Variants in MICAL1 observed in about 807,000 individuals in gnomAD.
MICAL1 encodes the protein [F-actin]-monooxygenase MICAL1.
MICAL1 carries 95 observed loss-of-function variants against 131.8 expected under a neutral mutation model. The observed-to-expected ratio is 0.72, with a 90% CI of 0.61 to 0.86. The LOEUF (loss-of-function observed/expected upper bound fraction) is 0.86. Ranked by LOEUF, MICAL1 falls within the 40% of genes least tolerant of loss-of-function variation. The pLI, the probability that MICAL1 is intolerant of heterozygous loss-of-function variation, is 0.00. For missense variants in MICAL1, 1,292 were observed against 1,380.6 expected (o/e 0.94, Z 1.02); for synonymous variants, 546 against 554.2 (o/e 0.99, Z 0.21).
chr6:109,452,192 AG>A (rs1218572275), intron 6 of MICAL1, 53 bp downstream of exon 6: 2 of 1,569,450 alleles, frequency 1.3e-6, no homozygotes, highest in African/African-American at 2.7e-5. Flanking sequence ...GAGAGGCAGG[AG>A]CCAGGCCACA....
In MICAL1 at chr6:109,450,075, G is replaced by A. The variant is rs555487713; in HGVS notation, c.1202C>T (p.Pro401Leu). The A allele has an allele frequency of 5.6e-6, 9 of 1,613,688 alleles. No individual in the cohort carries two copies. The South Asian group carries it at 8.8e-5, about 16-fold the overall frequency. The change falls in exon 9 of 25, where the codon CCC becomes CTC. Residue 401 changes from proline (P) to leucine (L), a missense_variant. Coordinates refer to ENST00000358807, the MANE Select transcript of MICAL1 (RefSeq NM_022765.4). The stretch of plus-strand genomic sequence containing the variant: ...GCCCCGTGCCACTCCAGTGCCCAGG[G>A]GCCAGAAGGGCTGCAGTGTCAGAGG... ...VGDCLVEPFW[P>L]LGTGVARGFL... is the part of the protein sequence containing the mutation.
rs1265958817 is a variant in MICAL1, at chr6:109,453,663, G to A, written c.441C>T (p.Phe147=). ...TGATGTGGTCCAGGGTGCCGGTGCA[G>A]AAGCGCCCGTAGAACTTCTTAGCAC... ...ALGAKKFYGR[F]CTGTLDHISI... The change falls in exon 3 of 25, where the codon TTC becomes TTT. Residue 147 remains phenylalanine (F), a synonymous_variant. Coordinates refer to ENST00000358807, the MANE Select transcript of MICAL1 (RefSeq NM_022765.4). The A allele has an allele frequency of 6.2e-7, 1 of 1,611,046 alleles. No individual in the cohort carries two copies. Among genetic ancestry groups the A allele is most frequent in the Admixed American group, 1.7e-5 (1 of 59,484 alleles).
rs1775475136 is a variant in MICAL1, at chr6:109,450,101, A to C, written c.1192-16T>G. On this transcript the variant is annotated splice_polypyrimidine_tract_variant and intron_variant, in intron 8 of 24. Coordinates refer to ENST00000358807, the MANE Select transcript of MICAL1 (RefSeq NM_022765.4). ...GCCAGAAGGGCTGCAGTGTCAGAGG[A>C]ATAGGAAGCAGCTCAGGGAGAATCC... The C allele has an allele frequency of 6.2e-7, 1 of 1,610,532 alleles. No individual in the cohort carries two copies. Among genetic ancestry groups the C allele is most frequent in the Non-Finnish European group, 8.5e-7 (1 of 1,177,840 alleles).
rs762204959 is a variant in MICAL1 at position 109,449,478 on chromosome 6, G to C, written c.1438C>G (p.Arg480Gly). Reference sequence around the variant, plus strand: ...TTGGCTAGCACATCATACAGGTCTCGTACCTAAGGCAGCCCCGCTCAGGTC... The same window carrying C: ...TTGGCTAGCACATCATACAGGTCTCCTACCTAAGGCAGCCCCGCTCAGGTC... Reference protein sequence around the residue: ...NLRAVTPNQVRDLYDVLAKEP... With the variant: ...NLRAVTPNQVGDLYDVLAKEP... The change falls in exon 11 of 25, where the codon CGA becomes GGA. Residue 480 changes from arginine to glycine, a missense_variant. Physicochemically the swap from Arg to Gly is moderately radical, Grantham distance 125 (BLOSUM62 -2). Transcript: ENST00000358807. 1.2e-6 allele frequency: 2 copies of C among 1,614,190 alleles called. No individual in the cohort carries two copies. The highest frequency in any genetic ancestry group is 1.7e-6 in the Non-Finnish European group (2 of 1,180,040).
rs1370187376 is a variant in MICAL1 at position 109,445,013 on chromosome 6, G to A, written c.2882-18C>T. ...TGGGGAACCTGAGAAGAAGGAAGAT[G>A]GGTAGGGTGATCAGGAGGCTTCCAG... On this transcript the variant is annotated intron_variant, in intron 22 of 24. Transcript: ENST00000358807. 4 of 1,611,594 alleles carry A rather than the reference G, an allele frequency of 2.5e-6. No individual in the cohort carries two copies. The African/African-American group carries it at 4.0e-5, about 16-fold the overall frequency.
Position 109,452,285 on chromosome 6 carries a change from A to G in MICAL1, c.793T>C (p.Tyr265His). The G allele has an allele frequency of 6.2e-7, 1 of 1,614,102 alleles. No homozygotes were observed. Among genetic ancestry groups the G allele is most frequent in the Non-Finnish European group, 8.5e-7 (1 of 1,179,974 alleles). Residue 265 changes from tyrosine (Y) to histidine (H), a missense_variant, in exon 6 of 25, where the codon TAC (tyrosine) becomes CAC (histidine). Coordinates refer to ENST00000358807, the MANE Select transcript of MICAL1 (RefSeq NM_022765.4). ...VPEISGVARI[Y>H]NQSFFQSLLK... is the part of the protein sequence containing the mutation. ...AGGCTCTGGAAGAAGCTCTGGTTGTAGATCCTGGCTACACCACTGATCTCC... is the reference window on the plus strand; with the variant it reads ...AGGCTCTGGAAGAAGCTCTGGTTGTGGATCCTGGCTACACCACTGATCTCC...
rs773666917 is a variant in MICAL1 at position 109,454,016 on chromosome 6, T to C, written c.181A>G (p.Lys61Glu). The C allele has an allele frequency of 5.0e-6, 8 of 1,614,012 alleles. No individual in the cohort carries two copies. The highest frequency in any genetic ancestry group is 6.8e-6 in the Non-Finnish European group (8 of 1,180,038). The change falls in exon 2 of 25, where the codon AAG becomes GAG. Residue 61 changes from lysine (K) to glutamate (E), a missense_variant. Physicochemically the swap from Lys to Glu is moderately conservative, Grantham distance 56 (BLOSUM62 1). Transcript: ENST00000358807. ...IKDQLNYWSA[K>E]SLWTKLDKRA... ...TTGTCCAGCTTGGTCCACAGTGACT[T>C]GGCGCTCCAGTAGTTGAGCTGGTCC...
At chr6:109,454,486 A>G (rs999228666) in intron 1 of MICAL1, among the ~76,000 whole-genome samples, 1 of 152,052 alleles carries the variant, frequency 6.6e-6, no homozygotes, top group Admixed American at 6.5e-5. Context: ...GGCACATGGG[A>G]CACCAGGGGA....
At position 109,449,079 on chromosome 6, in the gene MICAL1, G is replaced by A. The variant is rs78714157; in HGVS notation, c.1517-200C>T. On this transcript the variant is annotated intron_variant, in intron 11 of 24. Coordinates refer to ENST00000358807, the MANE Select transcript of MICAL1 (RefSeq NM_022765.4). ...AAAAAAATCTCTTTGGAATAAAGTA[G>A]AGGAGTGAATAAAGTGAAATCGCAA... 7.6e-4 allele frequency: 573 copies of A among 753,812 alleles called. 1 individual carries two copies. In the African/African-American group the frequency reaches 9.2e-3, roughly 12 times the overall value. 46.7% of individuals were successfully genotyped at this position (753,812 alleles called of 1,614,324 possible).
chr6:109,448,005 A>T, intron 13 of MICAL1, 42 bp from the exon 14 acceptor site: 1 of 1,550,632 alleles, frequency 6.4e-7, no homozygotes, highest in Middle Eastern at 1.8e-4. Flanking sequence ...GGGGGGTGCC[A>T]ATACTGTACT....
In MICAL1 at chr6:109,446,791, G is replaced by A. The variant is rs777524259; in HGVS notation, c.2228-19C>T. 5 of 1,609,956 alleles carry A rather than the reference G, an allele frequency of 3.1e-6. No homozygotes were observed. The highest frequency in any genetic ancestry group is 4.2e-6 in the Non-Finnish European group (5 of 1,177,784). ...AAATGTCCTGGAAAGGGTAGAGAGG[G>A]GAGGAGGCATTTGGTGTGGGCAGCC... is the stretch of plus-strand genomic sequence containing the variant. On this transcript the variant is annotated intron_variant, in intron 17 of 24. Transcript: ENST00000358807.
chr6:109,445,716 G>C (rs897793589), intron 20 of MICAL1, 55 bp downstream of exon 20: 1 of 1,574,174 alleles, frequency 6.4e-7, no homozygotes, highest in African/African-American at 1.3e-5. Flanking sequence ...ACCAGTGCAG[G>C]TTTCTCCTGT....
At chr6:109,457,676 C>T (rs936980323), upstream of MICAL1, among the ~76,000 whole-genome samples, 14 of 152,178 alleles carry the variant, frequency 9.2e-5, no homozygotes, top group East Asian at 1.2e-3. Context: ...TACAACTAGC[C>T]GCTCCACTTT....
Position 109,450,011 on chromosome 6 carries a change from C to G in MICAL1, c.1266G>C (p.Arg422=). 2 of 1,614,160 alleles carry G rather than the reference C, an allele frequency of 1.2e-6. No homozygotes were observed. Among genetic ancestry groups the G allele is most frequent in the Non-Finnish European group, 1.7e-6 (2 of 1,180,006 alleles). Residue 422 remains arginine, a synonymous_variant, in exon 9 of 25, where the codon CGG becomes CGC. Transcript: ENST00000358807. ...CTAGGGACTCAGCGCCCTCTGCCCA[C>G]CGCTTCACCATCCAGGCTGCATCAA... is the stretch of plus-strand genomic sequence containing the variant. ...AAFDAAWMVK[R]WAEGAESLEV...
At chr6:109,456,626 A>G (rs913897480), upstream of MICAL1, among the ~76,000 whole-genome samples, 2 of 152,184 alleles carry the variant, frequency 1.3e-5, no homozygotes, top group African/African-American at 4.8e-5. Flanking sequence ...GTCTGCTGAA[A>G]AGGGCTGGAG....
Position 109,444,239 on chromosome 6 carries a change from C to A in MICAL1, c.3156G>T (p.Glu1052Asp). 6.2e-7 allele frequency: 1 copy of A among 1,613,682 alleles called. No homozygotes were observed. Among genetic ancestry groups the A allele is most frequent in the Non-Finnish European group, 8.5e-7 (1 of 1,180,034 alleles). ...NQRDALIRFQ[E>D]ERRLSELALG... ...AGGCCAGCTCGCTGAGCCTGCGCTC[C>A]TCCTGGAAGCGGATGAGGGCATCTC... The change falls in exon 25 of 25, where the codon GAG becomes GAT. Residue 1052 changes from glutamate to aspartate, a missense_variant. Coordinates refer to ENST00000358807, the MANE Select transcript of MICAL1 (RefSeq NM_022765.4).
At chr6:109,449,303 G>A in intron 11 of MICAL1, 97 bp downstream of exon 11, 2 of 1,322,246 alleles carry the variant, frequency 1.5e-6, no homozygotes, top group Middle Eastern at 1.8e-4. Context: ...CCGGCACGCT[G>A]CTCCTGTCCT....
At position 109,455,632 on chromosome 6, in the gene MICAL1, C is replaced by G; in HGVS notation, c.-44+87G>C. On this transcript the variant is annotated intron_variant, in intron 1 of 24. Transcript: ENST00000358807. This position sits in a 1 kb window ranked among gnomAD's most constrained non-coding sequence, Gnocchi z 4.7. ...TGACCTGCCAGGCGTGGTTCCCGAG[C>G]GACCGCAGCTGCGTTTCCCCGGAAG... The G allele has an allele frequency of 1.1e-6, 1 of 886,528 alleles. No individual in the cohort carries two copies. The highest frequency in any genetic ancestry group is 1.8e-5 in the African/African-American group (1 of 55,632). The allele number at this position is 886,528 out of a possible 1,614,324, so 54.9% of individuals were successfully genotyped here. A position where few individuals can be genotyped will look rare whatever the true frequency, so the allele number is the denominator to read the frequency against.
In MICAL1 at chr6:109,446,752, G is replaced by A. The variant is rs752171230; in HGVS notation, c.2248C>T (p.His750Tyr). The change falls in exon 18 of 25, where the codon CAC (histidine) becomes TAC (tyrosine). Residue 750 changes from histidine (H) to tyrosine (Y), a missense_variant. Coordinates refer to ENST00000358807, the MANE Select transcript of MICAL1 (RefSeq NM_022765.4). Reference protein sequence around the residue: ...PGDGHFYCLQHLPQTDHKAEG... With the variant: ...PGDGHFYCLQYLPQTDHKAEG... Reference sequence around the variant, plus strand: ...GCTTTGTGGTCTGTCTGGGGCAGGTGCTGGAGGCAGTAGAAATGTCCTGGA... The same window carrying A: ...GCTTTGTGGTCTGTCTGGGGCAGGTACTGGAGGCAGTAGAAATGTCCTGGA... The A allele has an allele frequency of 6.2e-7, 1 of 1,613,730 alleles. No individual in the cohort carries two copies. The highest frequency in any genetic ancestry group is 1.3e-5 in the African/African-American group (1 of 75,034).
Sources: gnomAD v4.1 joint callset for allele counts (sites outside exome capture counted in the v4.1 genomes callset) on GRCh38, gnomAD v4.1.1 for gene constraint, Gnocchi (gnomAD v3.1) non-coding constraint, MANE v1.5 for transcripts, NCBI Gene and HGNC (gene_info 2026-07-23, HGNC 2026-07-21) for gene names.